Variants in PTBP2 observed in about 807,000 individuals in gnomAD.
PTBP2 encodes the protein polypyrimidine tract-binding protein 2.
In PTBP2, 13 loss-of-function variants were observed where a neutral mutation model predicts 61.4. The ratio of observed to expected loss-of-function variants is 0.21; its 90% CI spans 0.14 to 0.34. The LOEUF is 0.34. Among genes scored for constraint, PTBP2 ranks in the 10% least tolerant of loss-of-function variants. The probability of loss-of-function intolerance (pLI) is 1.00; values close to 1 mark genes in which losing one functional copy is unlikely to be tolerated. For synonymous variants in PTBP2, 215 were observed against 218.5 expected (o/e 0.98, Z 0.14); for missense variants, 405 against 642.6 (o/e 0.63, Z 4.00).
At chr1:96,751,042 A>G (rs531892204) in intron 2 of PTBP2, among the ~76,000 whole-genome samples, 1 of 152,212 alleles carries the variant, frequency 6.6e-6, no homozygotes, top group East Asian at 1.9e-4. Context: ...TTTTCTAAAG[A>G]CCTGAATTAT....
chr1:96,784,861 A>T (rs1268521078), intron 7 of PTBP2, 198 bp from the exon 8 acceptor site: 2 of 469,640 alleles, frequency 4.3e-6, no homozygotes, highest in South Asian at 6.2e-5. Flanking sequence ...AGCATTTTCT[A>T]TTTAAGGAAG....
At chr1:96,758,068 T>C (rs138274236) in intron 3 of PTBP2, among the ~76,000 whole-genome samples, 1,897 of 152,128 alleles carry the variant, frequency 0.012, 40 homozygotes, top group African/African-American at 0.044. Context: ...TATAATAGTA[T>C]AACATAAATA....
chr1:96,750,021 T>C (rs1654338297), intron 2 of PTBP2, among the ~76,000 whole-genome samples: 2 of 152,130 alleles, frequency 1.3e-5, no homozygotes, highest in Non-Finnish European at 2.9e-5. Context: ...ATAATGTGTA[T>C]CAGTGGTTCT....
chr1:96,818,594 T>G (rs1436906611), downstream of PTBP2: 3 of 152,086 alleles, frequency 2.0e-5, no homozygotes, highest in Non-Finnish European at 4.4e-5. Context: ...AGAAACTCAG[T>G]CTATGAGCCT....
intron 11 of PTBP2, among the ~76,000 whole-genome samples, chr1:96,808,055 ATTGT>A (rs1256459586): frequency 2.6e-5 from 4 of 151,888 alleles, no homozygotes; most frequent in Non-Finnish European, 5.9e-5. Flanking sequence ...TTTTTCCCTA[ATTGT>A]TTGAGGTATG....
chr1:96,802,606 T>C (rs1661132379), intron 8 of PTBP2, among the ~76,000 whole-genome samples: 1 of 152,156 alleles, frequency 6.6e-6, no homozygotes, highest in South Asian at 2.1e-4. Context: ...AGTCCAAATA[T>C]CTTTGATGGA....
intron 8 of PTBP2, among the ~76,000 whole-genome samples, chr1:96,797,564 A>G (rs1478038990): frequency 2.0e-5 from 3 of 152,154 alleles, no homozygotes; most frequent in South Asian, 2.1e-4. Context: ...GGTGGTATAC[A>G]TGGGAGATTG....
chr1:96,746,833 CTG>C (rs1165702509), intron 2 of PTBP2, among the ~76,000 whole-genome samples: 31,736 of 128,628 alleles, frequency 0.25, 6,042 homozygotes, highest in South Asian at 0.3. Context: ...GTCTGTCTGT[CTG>C]TCTCCCTCCC....
intron 8 of PTBP2, among the ~76,000 whole-genome samples, chr1:96,799,042 G>A (rs1660683750): frequency 6.6e-6 from 1 of 152,058 alleles, no homozygotes; most frequent in South Asian, 2.1e-4. Flanking sequence ...CTGGACTTAG[G>A]GTCTCTTGTC....
At chr1:96,782,350 A>G (rs1011831025) in intron 7 of PTBP2, among the ~76,000 whole-genome samples, 1 of 152,046 alleles carries the variant, frequency 6.6e-6, no homozygotes, top group Non-Finnish European at 1.5e-5. Flanking sequence ...CAGCAGTAAG[A>G]TTATGTCATT....
At chr1:96,752,373 G>C (rs1446597624) in intron 3 of PTBP2, among the ~76,000 whole-genome samples, 4 of 152,078 alleles carry the variant, frequency 2.6e-5, no homozygotes, top group African/African-American at 7.2e-5. Context: ...TGAAAGACTA[G>C]AAGACATTTT....
chr1:96,746,606 G>A (rs752237652), intron 2 of PTBP2, among the ~76,000 whole-genome samples: 5 of 151,392 alleles, frequency 3.3e-5, no homozygotes, highest in Non-Finnish European at 7.4e-5. Context: ...GAGGCTGAAG[G>A]AGGAGGATTG....
intron 1 of PTBP2, among the ~76,000 whole-genome samples, chr1:96,722,164 AC>A: frequency 6.6e-6 from 1 of 151,300 alleles, no homozygotes; most frequent in East Asian, 2.0e-4. Flanking sequence ...TGGGGTGGGA[AC>A]CCCATAACGT....
At chr1:96,724,977 A>C (rs761489352) in intron 2 of PTBP2, among the ~76,000 whole-genome samples, 1 of 152,168 alleles carries the variant, frequency 6.6e-6, no homozygotes, top group Non-Finnish European at 1.5e-5. Context: ...ATATTTGCCC[A>C]TTCTTTAGGC....
At position 96,806,858 on chromosome 1, in the gene PTBP2, C is replaced by T. The variant is rs371337379; in HGVS notation, c.1079-8C>T. On this transcript the variant is annotated splice_region_variant and splice_polypyrimidine_tract_variant and intron_variant, in intron 10 of 13. Coordinates refer to ENST00000674951, the MANE Select transcript of PTBP2 (RefSeq NM_021190.4). ...TTTTTGGATTACCTCTCTGTGGCTC[C>T]AAAAAAGGTGTTTATGGAGATGTGC... 8.7e-6 allele frequency: 14 copies of T among 1,603,724 alleles called. No individual in the cohort carries two copies. In the African/African-American group the frequency reaches 1.6e-4, roughly 19 times the overall value.
intron 8 of PTBP2, among the ~76,000 whole-genome samples, chr1:96,791,826 C>CTTTTTTTTTTTTTTTTTTTGTT (rs1659839308): frequency 3.0e-5 from 2 of 66,128 alleles, no homozygotes; most frequent in African/African-American, 1.6e-4. Flanking sequence ...TGGAGTTGTG[C>CTTTTTTTTTTTTTTTTTTTGTT]TTTTTTTTTT....
At chr1:96,731,777 G>A (rs977922456) in intron 2 of PTBP2, among the ~76,000 whole-genome samples, 1 of 152,078 alleles carries the variant, frequency 6.6e-6, no homozygotes, top group African/African-American at 2.4e-5. Flanking sequence ...GTTTGTAATA[G>A]GAGATTTGTT....
At position 96,786,557 on chromosome 1, in the gene PTBP2, A is replaced by G. The variant is rs149842170; in HGVS notation, c.904+1303A>G. ...AAAGAGTGAAACATGGTTTTTGCTTATAATTATTACTATAGATTATTAAAC... is the reference window on the plus strand; with the variant it reads ...AAAGAGTGAAACATGGTTTTTGCTTGTAATTATTACTATAGATTATTAAAC... On this transcript the variant is annotated intron_variant, in intron 8 of 13. Coordinates refer to ENST00000674951, the MANE Select transcript of PTBP2 (RefSeq NM_021190.4). 1.8e-4 allele frequency among the ~76,000 whole-genome samples: 28 copies of G among 152,324 alleles called. No individual in the cohort carries two copies. In the East Asian group the frequency reaches 5.2e-3, roughly 28 times the overall value.
chr1:96,758,427 A>C (rs972191409), intron 3 of PTBP2, among the ~76,000 whole-genome samples: 1 of 152,042 alleles, frequency 6.6e-6, no homozygotes, highest in African/African-American at 2.4e-5. Context: ...CTGACAGCAA[A>C]ACCTGACAAG....
Sources: gnomAD v4.1 joint callset for allele counts (sites outside exome capture counted in the v4.1 genomes callset) on GRCh38, gnomAD v4.1.1 for gene constraint, MANE v1.5 for transcripts, NCBI Gene and HGNC (gene_info 2026-07-23, HGNC 2026-07-21) for gene names.